Variants in KLF12 observed in about 807,000 individuals in gnomAD.
KLF12 encodes KLF transcription factor 12, also known as Krueppel-like factor 12.
Under a neutral mutation model 37.8 loss-of-function variants are expected in KLF12, and 9 were observed. The ratio of observed to expected loss-of-function variants is 0.24; its 90% CI spans 0.14 to 0.42. The LOEUF is 0.42. KLF12 is among the 10% of genes least tolerant of loss of function. KLF12 has a pLI of 1.00. For missense variants in KLF12, 411 were observed against 516.0 expected, an observed-to-expected ratio of 0.80 and a Z score of 1.97; for synonymous variants, 208 against 202.1, an observed-to-expected ratio of 1.03 and a Z score of -0.25.
chr13:74,175,136 T>A, the KLF12 span, among the ~76,000 whole-genome samples: 2 of 152,120 alleles, frequency 1.3e-5, no homozygotes, highest in Non-Finnish European at 2.9e-5. Context: ...AAAAATAAAT[T>A]TTTTTTACCA....
chr13:73,805,894 T>G (rs1007175352), intron 5 of KLF12, among the ~76,000 whole-genome samples: 13 of 152,048 alleles, frequency 8.5e-5, no homozygotes, highest in African/African-American at 3.1e-4. Flanking sequence ...AACCTCCACC[T>G]CCTGGGTTCA....
chr13:73,700,940 G>C (rs1247083637), intron 7 of KLF12, among the ~76,000 whole-genome samples: 1 of 152,076 alleles, frequency 6.6e-6, no homozygotes, highest in Non-Finnish European at 1.5e-5. Context: ...CATGATGAGA[G>C]TAAAAAAACT....
intron 7 of KLF12, among the ~76,000 whole-genome samples, chr13:73,696,261 T>C (rs1362875732): frequency 1.3e-5 from 2 of 152,190 alleles, no homozygotes; most frequent in Admixed American, 6.5e-5. Flanking sequence ...AAATCCTAGA[T>C]GCCTTAATAG....
intron 2 of KLF12, among the ~76,000 whole-genome samples, chr13:73,970,021 GT>G (rs1285864050): frequency 6.6e-6 from 1 of 152,108 alleles, no homozygotes; most frequent in African/African-American, 2.4e-5. Context: ...AATGCTTGTT[GT>G]TTCACCTCCT....
chr13:74,063,912 G>A (rs1035075722), intron 1 of KLF12, among the ~76,000 whole-genome samples: 9 of 152,152 alleles, frequency 5.9e-5, no homozygotes. Flanking sequence ...GCTGCCCTTT[G>A]ATTCCAAAAG....
chr13:73,874,302 A>G (rs919776851), intron 3 of KLF12, among the ~76,000 whole-genome samples: 1 of 152,226 alleles, frequency 6.6e-6, no homozygotes, highest in Non-Finnish European at 1.5e-5. Flanking sequence ...TCAGAAGAGA[A>G]AGCTGGGCTG....
intron 6 of KLF12, among the ~76,000 whole-genome samples, chr13:73,722,789 A>G (rs1375493477): frequency 1.3e-5 from 2 of 152,234 alleles, no homozygotes; most frequent in Admixed American, 6.5e-5. Context: ...CAAGTTTTCC[A>G]TATGAACAGA....
intron 1 of KLF12, among the ~76,000 whole-genome samples, chr13:74,128,716 G>A (rs1166671537): frequency 1.3e-5 from 2 of 152,162 alleles, no homozygotes; most frequent in African/African-American, 2.4e-5. Flanking sequence ...TTGCCATTTA[G>A]GTTTGTTTTC....
At chr13:74,075,463 T>C (rs1226352521) in intron 1 of KLF12, among the ~76,000 whole-genome samples, 1 of 152,214 alleles carries the variant, frequency 6.6e-6, no homozygotes, top group Non-Finnish European at 1.5e-5. Context: ...GTAGGTCCCA[T>C]GCCAGATTAA....
At chr13:73,867,285 T>G (rs1886222524) in intron 3 of KLF12, among the ~76,000 whole-genome samples, 1 of 151,902 alleles carries the variant, frequency 6.6e-6, no homozygotes, top group Admixed American at 6.6e-5. Flanking sequence ...TTGGTACAGT[T>G]ATAGTCATAC....
intron 5 of KLF12, among the ~76,000 whole-genome samples, chr13:73,780,613 C>T (rs1429260662): frequency 6.6e-6 from 1 of 152,166 alleles, no homozygotes; most frequent in Non-Finnish European, 1.5e-5. Context: ...TGGCATGTGC[C>T]ACCACGCCTG....
chr13:74,282,227 T>C, the KLF12 span, among the ~76,000 whole-genome samples: 1 of 152,358 alleles, frequency 6.6e-6, no homozygotes, highest in Middle Eastern at 3.4e-3. Context: ...CATATTTTCC[T>C]TCCCAAATTC....
intron 5 of KLF12, among the ~76,000 whole-genome samples, chr13:73,810,807 C>T (rs140351479): frequency 1.3e-3 from 197 of 152,054 alleles, no homozygotes; most frequent in Non-Finnish European, 2.5e-3. Context: ...TAGGATTTAG[C>T]TCACACAAAA....
upstream of KLF12, among the ~76,000 whole-genome samples, chr13:74,135,416 C>T (rs374871152): frequency 7.7e-3 from 1,170 of 152,084 alleles, 11 homozygotes; most frequent in African/African-American, 0.026. Flanking sequence ...GACGCTCTCC[C>T]CGGCAGCCCC....
At chr13:74,219,458 T>C in the KLF12 span, among the ~76,000 whole-genome samples, 2 of 152,372 alleles carry the variant, frequency 1.3e-5, no homozygotes, top group East Asian at 3.9e-4. Context: ...TACATTTTGC[T>C]TGCTTTCAAA....
At chr13:74,196,706 T>C in the KLF12 span, among the ~76,000 whole-genome samples, 13 of 152,192 alleles carry the variant, frequency 8.5e-5, no homozygotes, top group Non-Finnish European at 1.8e-4. Context: ...GTAGTTTTCC[T>C]ACATTCTGTT....
chr13:73,697,395 C>G lies in KLF12; in HGVS notation c.1028-1724G>C, dbSNP rs548909763. 2.0e-5 allele frequency among the ~76,000 whole-genome samples: 3 copies of G among 152,228 alleles called. No homozygotes were observed. In the East Asian group the frequency reaches 5.8e-4, roughly 29 times the overall value. ...GCTCCTTTTAAGAAAAAGCCTACTG[C>G]CTGGATTGACACCAAACCTCAACTT... is the stretch of plus-strand genomic sequence containing the variant. On this transcript the variant is annotated intron_variant, in intron 7 of 7. Coordinates refer to ENST00000377669, the MANE Select transcript of KLF12 (RefSeq NM_007249.5).
intron 1 of KLF12, among the ~76,000 whole-genome samples, chr13:74,026,899 A>G (rs980123646): frequency 1.3e-5 from 2 of 152,148 alleles, no homozygotes; most frequent in Admixed American, 6.5e-5. Context: ...GCCCTGATAC[A>G]GCTTTTCAGG....
intron 3 of KLF12, among the ~76,000 whole-genome samples, chr13:73,851,601 A>G (rs1372907574): frequency 1.3e-5 from 2 of 152,198 alleles, no homozygotes; most frequent in Non-Finnish European, 2.9e-5. Flanking sequence ...TATAACAAAT[A>G]GATTCAAATA....
Sources: allele counts gnomAD v4.1 joint callset (sites outside exome capture counted in the v4.1 genomes callset), GRCh38; gene constraint gnomAD v4.1.1; transcripts MANE v1.5; gene names NCBI Gene and HGNC (gene_info 2026-07-23, HGNC 2026-07-21).